ZNF329: variants seen among roughly 807,000 people sequenced by gnomAD.
The protein encoded by ZNF329 is zinc finger protein 329.
Under a neutral mutation model 26.6 loss-of-function variants are expected in ZNF329, and 15 were observed. The observed-to-expected ratio is 0.56, with a 90% CI of 0.38 to 0.87. The LOEUF (loss-of-function observed/expected upper bound fraction) is 0.87. ZNF329 is among the 40% of genes least tolerant of loss of function. The probability of loss-of-function intolerance (pLI) is 0.00; values close to 1 mark genes in which losing one functional copy is unlikely to be tolerated. For synonymous variants in ZNF329, 239 were observed against 233.5 expected (o/e 1.02, Z -0.21); for missense variants, 651 against 651.9 (o/e 1.00, Z 0.02).
intron 1 of ZNF329, among the ~76,000 whole-genome samples, chr19:58,147,994 C>T (rs572544362): frequency 6.6e-5 from 10 of 152,164 alleles, no homozygotes; most frequent in South Asian, 2.1e-4. Flanking sequence ...CGGATGGTTG[C>T]CGTGTCTGTG....
At chr19:58,138,350 A>T (rs2075115844) in intron 3 of ZNF329, among the ~76,000 whole-genome samples, 1 of 152,250 alleles carries the variant, frequency 6.6e-6, no homozygotes, top group South Asian at 2.1e-4. Flanking sequence ...GGTCATAGGA[A>T]ATTAATGTGA....
At chr19:58,153,010 C>A (rs904984193), upstream of ZNF329, among the ~76,000 whole-genome samples, 2 of 152,096 alleles carry the variant, frequency 1.3e-5, no homozygotes, top group Non-Finnish European at 1.5e-5. Flanking sequence ...ATAAAGTTAA[C>A]AATAAAGCAT....
At chr19:58,147,162 C>T (rs755729872) in intron 1 of ZNF329, among the ~76,000 whole-genome samples, 3,828 of 147,372 alleles carry the variant, frequency 0.026, 143 homozygotes, top group African/African-American at 0.094. Flanking sequence ...TCTGCCCCGC[C>T]GCCCCATCTG....
intron 1 of ZNF329, among the ~76,000 whole-genome samples, chr19:58,147,922 T>G (rs545955556): frequency 2.6e-5 from 4 of 151,972 alleles, no homozygotes; most frequent in African/African-American, 9.7e-5. Flanking sequence ...GAACGGGCCA[T>G]GATGACAATG....
Position 58,128,900 on chromosome 19 carries a change from GT to G in ZNF329, c.603del (p.Lys201AsnfsTer46). 6.2e-7 allele frequency: 1 copy of G among 1,614,094 alleles called. No homozygotes were observed. The highest frequency in any genetic ancestry group is 1.3e-5 in the African/African-American group (1 of 75,016). Reference sequence around the variant, plus strand: ...TTGCCACATTCAGTACATCTATATTGTTTCTCTCCAGGGAGATTTCTCTGGT... The same window carrying G: ...TTGCCACATTCAGTACATCTATATTGTTCTCTCCAGGGAGATTTCTCTGGT... ...NENQRNLPGEKQYRCTECGKC... is the reference protein window; with the variant it reads ...NENQRNLPGEXQYRCTECGKC... On this transcript the variant is annotated frameshift_variant, in exon 4 of 4. Coordinates refer to ENST00000598312, the MANE Select transcript of ZNF329 (RefSeq NM_024620.4). LOFTEE classifies it high-confidence loss of function.
At position 58,130,322 on chromosome 19, in the gene ZNF329, C is replaced by CA. The variant is rs2074908965; in HGVS notation, c.-8-812dup. The stretch of plus-strand genomic sequence containing the variant: ...TACGCGGCAGAGTGAGACTCCATCT[C>CA]AAAAAACAAAACAAAACAAAAACTG... On this transcript the variant is annotated intron_variant, in intron 3 of 3. Coordinates refer to ENST00000598312, the MANE Select transcript of ZNF329 (RefSeq NM_024620.4). Among the ~76,000 whole-genome samples the CA allele has an allele frequency of 2.0e-5, 3 of 151,652 alleles. 1 individual carries two copies. Among genetic ancestry groups the CA allele is most frequent in the Admixed American group, 1.3e-4 (2 of 15,224 alleles).
At chr19:58,146,793 T>A (rs1373701071) in intron 1 of ZNF329, among the ~76,000 whole-genome samples, 1 of 151,940 alleles carries the variant, frequency 6.6e-6, no homozygotes, top group African/African-American at 2.4e-5. Flanking sequence ...CCACGAGTGA[T>A]CCGCCAGCCT....
rs1210860861 is a variant in ZNF329 at position 58,127,250 on chromosome 19, C to G, written c.*628G>C. Reference sequence around the variant, plus strand: ...CCAGGCAGTGTCTCATGCCTGTAATCCCAACACTTTGGGAGGCTGAGGTGG... The same window carrying G: ...CCAGGCAGTGTCTCATGCCTGTAATGCCAACACTTTGGGAGGCTGAGGTGG... On this transcript the variant is annotated 3_prime_UTR_variant, in exon 4 of 4. Transcript: ENST00000598312. 23 of 152,148 alleles carry G rather than the reference C, an allele frequency of 1.5e-4. No homozygotes were observed. Among genetic ancestry groups the G allele is most frequent in the Non-Finnish European group, 3.4e-4 (23 of 68,050 alleles). 9.4% of individuals were successfully genotyped at this position (152,148 alleles called of 1,614,324 possible). A position where few individuals can be genotyped will look rare whatever the true frequency, so the allele number is the denominator to read the frequency against.
chr19:58,128,879 CA>C lies in ZNF329; in HGVS notation c.624del (p.Cys208TrpfsTer39). On this transcript the variant is annotated frameshift_variant, in exon 4 of 4. Coordinates refer to ENST00000598312, the MANE Select transcript of ZNF329 (RefSeq NM_024620.4). LOFTEE classifies it high-confidence loss of function. The stretch of plus-strand genomic sequence containing the variant: ...GAAGAGTTCCGTTTGAAGCATTTGC[CA>C]CATTCAGTACATCTATATTGTTTCT... ...PGEKQYRCTE[C>X]GKCFKRNSSL... The C allele has an allele frequency of 6.2e-7, 1 of 1,613,882 alleles. No individual in the cohort carries two copies. Among genetic ancestry groups the C allele is most frequent in the Non-Finnish European group, 8.5e-7 (1 of 1,179,924 alleles).
intron 1 of ZNF329, among the ~76,000 whole-genome samples, chr19:58,147,998 G>C (rs1401818958): frequency 6.6e-6 from 1 of 152,128 alleles, no homozygotes; most frequent in Non-Finnish European, 1.5e-5. Flanking sequence ...TGGTTGCCGT[G>C]TCTGTGCAGA....
Position 58,129,147 on chromosome 19 carries a change from A to C in ZNF329, c.357T>G (p.Thr119=). Reference sequence around the variant, plus strand: ...CTTTTCCACAGGCATCACTGTCACCAGTTCTCTTATCTGCATAACTTTTAG... The same window carrying C: ...CTTTTCCACAGGCATCACTGTCACCCGTTCTCTTATCTGCATAACTTTTAG... The part of the protein sequence containing the change: ...SYPKSYADKR[T]GDSDACGKGF... Residue 119 remains threonine (T), a synonymous_variant, in exon 4 of 4, where the codon ACT becomes ACG. Coordinates refer to ENST00000598312, the MANE Select transcript of ZNF329 (RefSeq NM_024620.4). 1.2e-6 allele frequency: 2 copies of C among 1,614,148 alleles called. No individual in the cohort carries two copies. Among genetic ancestry groups the C allele is most frequent in the South Asian group, 2.2e-5 (2 of 91,084 alleles).
upstream of ZNF329, among the ~76,000 whole-genome samples, chr19:58,153,631 C>G (rs572347838): frequency 6.6e-6 from 1 of 152,306 alleles, no homozygotes; most frequent in South Asian, 2.1e-4. Flanking sequence ...AATCCCTGTT[C>G]AGGAATTATC....
intron 1 of ZNF329, among the ~76,000 whole-genome samples, chr19:58,144,474 G>A (rs985804785): frequency 9.3e-5 from 14 of 151,256 alleles, no homozygotes; most frequent in African/African-American, 1.2e-4. Flanking sequence ...TGCAACCTCC[G>A]CTTCCTGGGT....
intron 3 of ZNF329, among the ~76,000 whole-genome samples, chr19:58,133,551 C>G (rs1380702619): frequency 1.3e-5 from 2 of 150,624 alleles, no homozygotes; most frequent in East Asian, 3.9e-4. Context: ...TCACTCCAGC[C>G]TGGACAACAG....
chr19:58,134,620 G>A (rs1032534768), intron 3 of ZNF329, among the ~76,000 whole-genome samples: 4 of 152,194 alleles, frequency 2.6e-5, no homozygotes, highest in African/African-American at 9.7e-5. Context: ...ACAGGGCAAT[G>A]TAACAGTAAC....
At position 58,128,512 on chromosome 19, in the gene ZNF329, G is replaced by A. The variant is rs752366784; in HGVS notation, c.992C>T (p.Thr331Ile). 55 of 1,613,908 alleles carry A rather than the reference G, an allele frequency of 3.4e-5. No homozygotes were observed. The highest frequency in any genetic ancestry group is 4.7e-5 in the Non-Finnish European group (55 of 1,179,970). The change falls in exon 4 of 4, where the codon ACA becomes ATA. Residue 331 changes from threonine to isoleucine, a missense_variant. Thr to Ile is a moderately conservative substitution (Grantham distance 89). Coordinates refer to ENST00000598312, the MANE Select transcript of ZNF329 (RefSeq NM_024620.4). ...ACCGGTGTGGATTCTGAGATGCACT[G>A]TAAGGTGGGAGATGTCAGTGAAGGG... is the stretch of plus-strand genomic sequence containing the variant. ...GKPFTDISHL[T>I]VHLRIHTGEK...
intron 1 of ZNF329, among the ~76,000 whole-genome samples, chr19:58,145,161 TA>T (rs148581874): frequency 0.036 from 5,480 of 151,336 alleles, 348 homozygotes; most frequent in African/African-American, 0.13. Context: ...TTTTTTTTTT[TA>T]AATGTTTTGT....
At chr19:58,146,099 G>C (rs1233489578) in intron 1 of ZNF329, among the ~76,000 whole-genome samples, 1 of 151,788 alleles carries the variant, frequency 6.6e-6, no homozygotes, top group African/African-American at 2.4e-5. Context: ...TTGGATCCTG[G>C]ATCAAAACAA....
intron 1 of ZNF329, among the ~76,000 whole-genome samples, chr19:58,145,897 C>T (rs768519298): frequency 2.7e-4 from 41 of 151,038 alleles, no homozygotes; most frequent in Non-Finnish European, 5.5e-4. Flanking sequence ...CAATGCCCTG[C>T]CAAAGACGAG....
Sources: gnomAD v4.1 joint callset for allele counts (sites outside exome capture counted in the v4.1 genomes callset) on GRCh38, gnomAD v4.1.1 for gene constraint, MANE v1.5 for transcripts, NCBI Gene and HGNC (gene_info 2026-07-23, HGNC 2026-07-21) for gene names.